GRB2: variants seen among roughly 807,000 people sequenced by gnomAD.
The protein encoded by GRB2 is growth factor receptor bound protein 2, also known as growth factor receptor-bound protein 2.
A neutral mutation model predicts 27.4 loss-of-function variants in GRB2; 2 were observed. The observed-to-expected ratio is 0.07, with a 90% CI of 0.03 to 0.23. GRB2 has a LOEUF of 0.23. GRB2 is among the 10% of genes least tolerant of loss of function. The pLI is 1.00. For synonymous variants in GRB2, 94 were observed against 99.6 expected (o/e 0.94, Z 0.33); for missense variants, 102 against 282.4 (o/e 0.36, Z 4.58).
intron 3 of GRB2, among the ~76,000 whole-genome samples, chr17:75,331,418 G>C (rs549451833): frequency 6.6e-6 from 1 of 152,326 alleles, no homozygotes; most frequent in South Asian, 2.1e-4. Context: ...ACTTTCCAAG[G>C]AAGGTAGCCT....
At chr17:75,401,263 G>T (rs1418714502) in intron 1 of GRB2, among the ~76,000 whole-genome samples, 1 of 151,588 alleles carries the variant, frequency 6.6e-6, no homozygotes, top group Non-Finnish European at 1.5e-5. Context: ...GGCTAACAAG[G>T]TGAAACCCCG....
chr17:75,345,994 G>A (rs932450716), intron 2 of GRB2, among the ~76,000 whole-genome samples: 12 of 152,068 alleles, frequency 7.9e-5, no homozygotes, highest in African/African-American at 2.7e-4. Context: ...GTGACATTCA[G>A]GTTTGCATTT....
At chr17:75,399,621 C>G (rs544100883) in intron 1 of GRB2, among the ~76,000 whole-genome samples, 70 of 152,072 alleles carry the variant, frequency 4.6e-4, no homozygotes, top group African/African-American at 1.6e-3. Context: ...CCGCCTTGGC[C>G]TCCCAAAGTG....
intron 2 of GRB2, among the ~76,000 whole-genome samples, chr17:75,338,345 A>C (rs548840941): frequency 3.9e-5 from 6 of 152,210 alleles, no homozygotes; most frequent in Admixed American, 3.9e-4. Flanking sequence ...GATTACAGGC[A>C]TGAGCCACCG....
At chr17:75,326,134 C>T in intron 3 of GRB2, 114 bp from the exon 4 acceptor site, 2 of 1,236,382 alleles carry the variant, frequency 1.6e-6, no homozygotes, top group Non-Finnish European at 2.3e-6. Flanking sequence ...GGCCTCCCTC[C>T]TCATCCTCCA....
At chr17:75,384,474 G>C (rs894698160) in intron 2 of GRB2, among the ~76,000 whole-genome samples, 2 of 152,130 alleles carry the variant, frequency 1.3e-5, no homozygotes, top group African/African-American at 4.8e-5. Flanking sequence ...TTTGAGACCA[G>C]CCTGGCCGAC....
chr17:75,339,080 T>C (rs1598224867), intron 2 of GRB2: 5 of 1,360,686 alleles, frequency 3.7e-6, no homozygotes, highest in South Asian at 2.3e-5. Context: ...ATGCTGGCTA[T>C]TAAAAGATGC....
intron 2 of GRB2, among the ~76,000 whole-genome samples, chr17:75,352,334 T>C (rs1032187481): frequency 3.3e-5 from 5 of 152,202 alleles, no homozygotes; most frequent in Non-Finnish European, 5.9e-5. Flanking sequence ...ATCAGCACTT[T>C]TGTCCCACAG....
At chr17:75,328,846 G>A (rs2078518752) in intron 3 of GRB2, among the ~76,000 whole-genome samples, 1 of 151,934 alleles carries the variant, frequency 6.6e-6, no homozygotes, top group Non-Finnish European at 1.5e-5. Flanking sequence ...GCTGAGGCAG[G>A]AGAATGGAGT....
chr17:75,353,693 G>A lies in GRB2; in HGVS notation c.79-20896C>T, dbSNP rs747139121. Among the ~76,000 whole-genome samples, 23 of 151,898 alleles carry A rather than the reference G, an allele frequency of 1.5e-4. No homozygotes were observed. In the South Asian group the frequency reaches 2.1e-3, roughly 14 times the overall value. On this transcript the variant is annotated intron_variant, in intron 2 of 5. Coordinates refer to ENST00000316804, the MANE Select transcript of GRB2 (RefSeq NM_002086.5). ...GAGAATCGCTTGAACCTGGGAGGCAGAGGTTGCAGTGAGCCGAGACTGCGC... is the reference window on the plus strand; with the variant it reads ...GAGAATCGCTTGAACCTGGGAGGCAAAGGTTGCAGTGAGCCGAGACTGCGC...
intron 2 of GRB2, among the ~76,000 whole-genome samples, chr17:75,384,331 C>T (rs1046457843): frequency 8.5e-5 from 13 of 152,312 alleles, no homozygotes; most frequent in African/African-American, 3.1e-4. Flanking sequence ...AAACTAGATG[C>T]AGAATGTAAA....
chr17:75,370,771 A>C (rs1317269563), intron 2 of GRB2, among the ~76,000 whole-genome samples: 2 of 152,220 alleles, frequency 1.3e-5, no homozygotes, highest in Non-Finnish European at 2.9e-5. Flanking sequence ...AATTAGAACG[A>C]ATCTTCACAG....
At chr17:75,403,625 G>A (rs2079078504) in intron 1 of GRB2, among the ~76,000 whole-genome samples, 1 of 152,136 alleles carries the variant, frequency 6.6e-6, no homozygotes, top group Non-Finnish European at 1.5e-5. Flanking sequence ...TTAGCCAGGT[G>A]TGGTGGTGAG....
intron 2 of GRB2, among the ~76,000 whole-genome samples, chr17:75,351,420 G>A (rs528953230): frequency 1.7e-4 from 26 of 152,144 alleles, no homozygotes; most frequent in African/African-American, 4.8e-4. Flanking sequence ...AGGCTGAGGC[G>A]GAAGAATCAC....
intron 2 of GRB2, among the ~76,000 whole-genome samples, chr17:75,390,801 G>A (rs2078993564): frequency 6.6e-6 from 1 of 152,092 alleles, no homozygotes; most frequent in African/African-American, 2.4e-5. Flanking sequence ...GAGGATGAAG[G>A]CTAAGTGCCT....
chr17:75,319,265 T>A lies in GRB2; in HGVS notation c.*1103A>T, dbSNP rs2078439272. ...ATATTTACACAGAGTAGGAGACAAA[T>A]TGGCTGAAAAGCTCTGGACTGCCTT... On this transcript the variant is annotated 3_prime_UTR_variant, in exon 6 of 6. Coordinates refer to ENST00000316804, the MANE Select transcript of GRB2 (RefSeq NM_002086.5). 1 of 151,254 alleles carries A rather than the reference T, an allele frequency of 6.6e-6. No homozygotes were observed. Among genetic ancestry groups the A allele is most frequent in the Admixed American group, 6.6e-5 (1 of 15,124 alleles). The allele number at this position is 151,254 out of a possible 1,614,324, so 9.4% of individuals were successfully genotyped here. A position where few individuals can be genotyped will look rare whatever the true frequency, so the allele number is the denominator to read the frequency against.
chr17:75,350,614 C>T (rs931999911), intron 2 of GRB2, among the ~76,000 whole-genome samples: 18 of 152,184 alleles, frequency 1.2e-4, no homozygotes, highest in African/African-American at 4.1e-4. Flanking sequence ...GCCTCAACCT[C>T]CCAAATAGCT....
intron 2 of GRB2, among the ~76,000 whole-genome samples, chr17:75,359,118 G>C (rs1278977874): frequency 7.1e-6 from 1 of 141,162 alleles, no homozygotes; most frequent in African/African-American, 2.6e-5. Context: ...GGGAGGCTGA[G>C]GCAGGAGAAT....
At chr17:75,403,148 C>A (rs1464103609) in intron 1 of GRB2, among the ~76,000 whole-genome samples, 3 of 136,770 alleles carry the variant, frequency 2.2e-5, no homozygotes, top group Non-Finnish European at 4.6e-5. Context: ...CAACTTTGAC[C>A]AAAAAAAATA....
Sources: allele counts gnomAD v4.1 joint callset (sites outside exome capture counted in the v4.1 genomes callset), GRCh38; gene constraint gnomAD v4.1.1; transcripts MANE v1.5; gene names NCBI Gene and HGNC (gene_info 2026-07-23, HGNC 2026-07-21).